Variants in MAGI2 observed in about 807,000 individuals in gnomAD.
MAGI2 encodes the protein membrane-associated guanylate kinase, WW and PDZ domain-containing protein 2.
MAGI2 carries 35 observed loss-of-function variants against 133.3 expected under a neutral mutation model. The ratio of observed to expected loss-of-function variants is 0.26; its 90% confidence interval spans 0.20 to 0.35. The LOEUF (loss-of-function observed/expected upper bound fraction) is 0.35. MAGI2 is among the 10% of genes least tolerant of loss of function. The pLI, the probability that MAGI2 is intolerant of heterozygous loss-of-function variation, is 1.00. For missense variants in MAGI2, 1,636 were observed against 1,863.4 expected (o/e 0.88, Z 2.25); for synonymous variants, 729 against 710.6 (o/e 1.03, Z -0.41).
chr7:79,417,157 C>A (rs567813941), intron 1 of MAGI2, among the ~76,000 whole-genome samples: 19 of 152,090 alleles, frequency 1.2e-4, no homozygotes, highest in Non-Finnish European at 1.5e-5. Flanking sequence ...GTCTGACTTG[C>A]ACAAATAAGG....
In MAGI2 at chr7:78,570,123, A is replaced by T. The variant is rs371199970; in HGVS notation, c.539-48478T>A. Among the ~76,000 whole-genome samples, 15 of 152,330 alleles carry T rather than the reference A, an allele frequency of 9.8e-5. 1 individual carries two copies. The South Asian group carries it at 2.9e-3, about 29-fold the overall frequency. On this transcript the variant is annotated intron_variant, in intron 3 of 21. Coordinates refer to ENST00000354212, the MANE Select transcript of MAGI2 (RefSeq NM_012301.4). ...CTCTTGTACACGTCCTTTGGTGAAC[A>T]GATATGTACATATTCCAACAGGGTA...
At position 78,528,795 on chromosome 7, in the gene MAGI2, C is replaced by T. The variant is rs559804158; in HGVS notation, c.539-7150G>A. On this transcript the variant is annotated intron_variant, in intron 3 of 21. Coordinates refer to ENST00000354212, the MANE Select transcript of MAGI2 (RefSeq NM_012301.4). ...CCAAGATGCAGAAACTCCCTGACCT[C>T]GAAAGATAATGTCTTTTTCTCTTGT... Among the ~76,000 whole-genome samples, 9 of 152,092 alleles carry T rather than the reference C, an allele frequency of 5.9e-5. No homozygotes were observed. In the South Asian group the frequency reaches 1.5e-3, roughly 25 times the overall value.
At chr7:79,408,409 G>A (rs1452163334) in intron 1 of MAGI2, among the ~76,000 whole-genome samples, 1 of 151,860 alleles carries the variant, frequency 6.6e-6, no homozygotes, top group Non-Finnish European at 1.5e-5. Flanking sequence ...AGCAAAAAAT[G>A]TCTAGAGTTG....
rs1400701699 is a variant in MAGI2, at chr7:78,416,418, T to C, written c.1046-47205A>G. On this transcript the variant is annotated intron_variant, in intron 6 of 21. Coordinates refer to ENST00000354212, the MANE Select transcript of MAGI2 (RefSeq NM_012301.4). ...TTGGAAAATAAATATTGAAACTTAA[T>C]TTAATAAAATGTGTTAGCACTATAT... is the stretch of plus-strand genomic sequence containing the variant. Among the ~76,000 whole-genome samples the C allele has an allele frequency of 2.6e-5, 4 of 152,098 alleles. No homozygotes were observed. The South Asian group carries it at 6.2e-4, about 24-fold the overall frequency.
rs1003964444 is a variant in MAGI2, at chr7:78,373,552, C to A, written c.1046-4339G>T. Among the ~76,000 whole-genome samples, 3 of 7,922 alleles carry A rather than the reference C, an allele frequency of 3.8e-4. No homozygotes were observed. The Admixed American group carries it at 5.2e-3, about 14-fold the overall frequency. 5.2% of individuals were successfully genotyped at this position (7,922 alleles called of 152,430 possible). The stretch of plus-strand genomic sequence containing the variant: ...GAAAAATCTAGGTCACTTACTCTTA[C>A]TATTGGAGGGCTCCTACTCACACTT... On this transcript the variant is annotated intron_variant, in intron 6 of 21. Transcript: ENST00000354212.
At chr7:78,983,922 C>T (rs1407568034) in intron 2 of MAGI2, among the ~76,000 whole-genome samples, 1 of 151,878 alleles carries the variant, frequency 6.6e-6, no homozygotes, top group Non-Finnish European at 1.5e-5. Flanking sequence ...TTCCTATCTC[C>T]AGCCTGTACT....
chr7:78,953,138 C>A (rs910291710), intron 2 of MAGI2, among the ~76,000 whole-genome samples: 1 of 152,168 alleles, frequency 6.6e-6, no homozygotes, highest in Non-Finnish European at 1.5e-5. Context: ...TACATCCACA[C>A]TTCTAACATG....
chr7:79,071,194 A>C (rs11531591), intron 1 of MAGI2, among the ~76,000 whole-genome samples: 116,822 of 152,110 alleles, frequency 0.77, 46,035 homozygotes, highest in Non-Finnish European at 0.86. Flanking sequence ...TTCCTTCTAA[A>C]ATAAGGCTGC....
At chr7:79,417,297 A>C (rs990839118) in intron 1 of MAGI2, among the ~76,000 whole-genome samples, 4 of 152,132 alleles carry the variant, frequency 2.6e-5, no homozygotes, top group African/African-American at 9.7e-5. Context: ...TATTCTCTAT[A>C]TTGAGAAAAC....
In MAGI2 at chr7:78,506,904, G is replaced by C. The variant is rs146043095; in HGVS notation, c.755-5117C>G. Among the ~76,000 whole-genome samples, 896 of 152,314 alleles carry C rather than the reference G, an allele frequency of 5.9e-3. 8 individuals carry two copies. Among genetic ancestry groups the C allele is most frequent in the African/African-American group, 0.021 (860 of 41,578 alleles). The stretch of plus-strand genomic sequence containing the variant: ...GTATAATACCATTAAATTCTCAAGA[G>C]AAATGTAGGACATCTCTTAAAAAAG... On this transcript the variant is annotated intron_variant, in intron 4 of 21. Coordinates refer to ENST00000354212, the MANE Select transcript of MAGI2 (RefSeq NM_012301.4).
chr7:78,879,433 C>T (rs1795673772), intron 2 of MAGI2, among the ~76,000 whole-genome samples: 1 of 152,064 alleles, frequency 6.6e-6, no homozygotes, highest in Non-Finnish European at 1.5e-5. Flanking sequence ...CTGCAGAACC[C>T]AACGTAAAAC....
Position 79,343,949 on chromosome 7 carries a change from A to T in MAGI2, c.301+109071T>A, listed in dbSNP as rs142069648. ...TAACTTTACATAGAGATTGCATTTT[A>T]AAAAATATAATGTATAGACTTTGAA... On this transcript the variant is annotated intron_variant, in intron 1 of 21. Transcript: ENST00000354212. Among the ~76,000 whole-genome samples the T allele has an allele frequency of 4.6e-4, 70 of 152,322 alleles. No individual in the cohort carries two copies. In the East Asian group the frequency reaches 0.013, roughly 28 times the overall value.
At chr7:78,025,055 A>T (rs1346751832) in intron 21 of MAGI2, among the ~76,000 whole-genome samples, 1 of 152,230 alleles carries the variant, frequency 6.6e-6, no homozygotes, top group Non-Finnish European at 1.5e-5. Flanking sequence ...ATGATTTAAC[A>T]TAGCCTAAAA....
intron 16 of MAGI2, among the ~76,000 whole-genome samples, chr7:78,145,970 A>G (rs1470184414): frequency 6.6e-6 from 1 of 152,156 alleles, no homozygotes; most frequent in African/African-American, 2.4e-5. Context: ...TAGGTTTTGG[A>G]GCAGGAGACA....
intron 9 of MAGI2, among the ~76,000 whole-genome samples, chr7:78,330,050 C>A (rs186839532): frequency 4.6e-5 from 7 of 152,274 alleles, no homozygotes; most frequent in Admixed American, 1.3e-4. Context: ...AAGATCTTTT[C>A]ATGTATCCAT....
intron 21 of MAGI2, among the ~76,000 whole-genome samples, chr7:78,071,496 C>T (rs1187714591): frequency 1.3e-5 from 2 of 152,156 alleles, no homozygotes; most frequent in Admixed American, 6.5e-5. Context: ...GAGATCACAC[C>T]GTTGTACTCC....
chr7:78,076,822 C>T (rs977309140), intron 21 of MAGI2, among the ~76,000 whole-genome samples: 20 of 123,858 alleles, frequency 1.6e-4, no homozygotes, highest in Admixed American at 5.7e-4. Flanking sequence ...GTCCGCAGTC[C>T]GGCCTGGGCG....
chr7:78,061,458 G>A (rs1477197097), intron 21 of MAGI2, among the ~76,000 whole-genome samples: 7 of 145,616 alleles, frequency 4.8e-5, no homozygotes, highest in African/African-American at 1.6e-4. Context: ...ACACACACAC[G>A]AGTGGGGAAG....
At chr7:78,026,649 G>A (rs1808946181) in intron 21 of MAGI2, among the ~76,000 whole-genome samples, 1 of 151,960 alleles carries the variant, frequency 6.6e-6, no homozygotes, top group East Asian at 1.9e-4. Context: ...GAGACTGTGG[G>A]CAATGGTGGG....
Sources: gnomAD v4.1 joint callset for allele counts (sites outside exome capture counted in the v4.1 genomes callset) on GRCh38, gnomAD v4.1.1 for gene constraint, MANE v1.5 for transcripts, NCBI Gene and HGNC (gene_info 2026-07-23, HGNC 2026-07-21) for gene names.